PRKCZ: variants seen among roughly 807,000 people sequenced by gnomAD.
The protein encoded by PRKCZ is protein kinase C zeta type.
A neutral mutation model predicts 79.5 loss-of-function variants in PRKCZ; 33 were observed. The observed-to-expected ratio is 0.41, with a 90% CI of 0.31 to 0.55. The LOEUF is 0.55. Among genes scored for constraint, PRKCZ ranks in the 20% least tolerant of loss-of-function variants. The pLI is 0.19. For missense variants in PRKCZ, 578 were observed against 813.5 expected (o/e 0.71, Z 3.52); for synonymous variants, 342 against 320.9 (o/e 1.07, Z -0.70).
At chr1:2,073,987 T>C in intron 4 of PRKCZ, 3 of 1,405,720 alleles carry the variant, frequency 2.1e-6, no homozygotes, top group Non-Finnish European at 2.8e-6. Flanking sequence ...GGGCCAGCCG[T>C]GCTGCAGGCC....
chr1:2,054,350 A>T (rs906762401), intron 1 of PRKCZ, among the ~76,000 whole-genome samples: 1 of 152,048 alleles, frequency 6.6e-6, no homozygotes, highest in Non-Finnish European at 1.5e-5. Flanking sequence ...GAGTTTCAGG[A>T]AACACCAGCT....
At chr1:2,074,653 G>C (rs1467981345) in intron 4 of PRKCZ, 6 of 373,050 alleles carry the variant, frequency 1.6e-5, no homozygotes, top group Non-Finnish European at 2.5e-5. Context: ...GTGTTGGGTT[G>C]GAGTCTGGGT....
chr1:2,135,122 TCATTCCAGCCCTG>T (rs1675911526), intron 4 of PRKCZ, 127 bp from the exon 5 acceptor site: 7 of 654,658 alleles, frequency 1.1e-5, no homozygotes, highest in Admixed American at 3.1e-5. Flanking sequence ...CGGGAGGCCG[TCATTCCAGCCCTG>T]CCTTCCCTGC....
At chr1:2,119,213 CTTTTTT>C (rs201938015) in intron 4 of PRKCZ, among the ~76,000 whole-genome samples, 2 of 126,434 alleles carry the variant, frequency 1.6e-5, no homozygotes, top group East Asian at 4.3e-4. Context: ...TTATTTTTTC[CTTTTTT>C]TTTTTTTTTT....
At chr1:2,104,896 G>A in intron 4 of PRKCZ, 6 of 985,500 alleles carry the variant, frequency 6.1e-6, no homozygotes, top group Non-Finnish European at 6.0e-6. Context: ...AGTTTTCAGG[G>A]TGAGTAGCCT....
intron 4 of PRKCZ, among the ~76,000 whole-genome samples, chr1:2,110,687 G>C (rs574684285): frequency 7.9e-4 from 119 of 151,570 alleles, no homozygotes; most frequent in Non-Finnish European, 1.5e-3. Flanking sequence ...ATCGGCCTTG[G>C]TGACTGTGGG....
intron 4 of PRKCZ, among the ~76,000 whole-genome samples, chr1:2,064,145 C>T (rs1470972501): frequency 6.6e-6 from 1 of 152,234 alleles, no homozygotes; most frequent in African/African-American, 2.4e-5. Context: ...CCGTGCCCGG[C>T]TTTGTTGGCC....
intron 10 of PRKCZ, chr1:2,156,333 G>A (rs970145486): frequency 9.7e-6 from 4 of 412,842 alleles, no homozygotes; most frequent in Non-Finnish European, 1.4e-5. Flanking sequence ...ATCCCACTGA[G>A]TGCAGGCATT....
chr1:2,150,386 T>G (rs1229482417), intron 8 of PRKCZ, among the ~76,000 whole-genome samples: 2 of 152,144 alleles, frequency 1.3e-5, no homozygotes, highest in African/African-American at 4.8e-5. Context: ...CTGCATTCGC[T>G]TTACCTTCCT....
chr1:2,180,393 C>A (rs1686342282), intron 16 of PRKCZ, among the ~76,000 whole-genome samples: 2 of 152,150 alleles, frequency 1.3e-5, no homozygotes, highest in African/African-American at 4.8e-5. Flanking sequence ...GACATGGACG[C>A]ACAGACGATG....
Position 2,134,495 on chromosome 1 carries a change from G to T in PRKCZ, c.335-767G>T, listed in dbSNP as rs559885807. Among the ~76,000 whole-genome samples, 15 of 152,316 alleles carry T rather than the reference G, an allele frequency of 9.8e-5. No individual in the cohort carries two copies. In the South Asian group the frequency reaches 1.0e-3, roughly 11 times the overall value. On this transcript the variant is annotated intron_variant, in intron 4 of 17. Transcript: ENST00000378567. ...GTTTTGGAGGAGCAAAGTGGGACAC[G>T]GTGTTGAGGAAGGACAAGACCAGCC...
chr1:2,102,501 T>C (rs1031854523), intron 4 of PRKCZ, among the ~76,000 whole-genome samples: 8 of 151,480 alleles, frequency 5.3e-5, no homozygotes, highest in African/African-American at 1.7e-4. Context: ...TCCCGCTAAT[T>C]TTTTGTATTT....
At chr1:2,058,461 G>A (rs1660387565) in intron 3 of PRKCZ, among the ~76,000 whole-genome samples, 1 of 152,064 alleles carries the variant, frequency 6.6e-6, no homozygotes, top group African/African-American at 2.4e-5. Context: ...CTGAGTGATG[G>A]GGCGAAACCC....
At position 2,185,309 on chromosome 1, in the gene PRKCZ, G is replaced by A. The variant is rs754595816; in HGVS notation, c.*300G>A. 2.8e-5 allele frequency: 20 copies of A among 718,500 alleles called. No individual in the cohort carries two copies. The highest frequency in any genetic ancestry group is 4.0e-5 in the Admixed American group (2 of 50,004). 44.5% of individuals were successfully genotyped at this position (718,500 alleles called of 1,614,324 possible). ...GGTTTCCAAGGTGCACATTTTCCAC[G>A]GAAACAGAACTCGATGCACTGACCT... On this transcript the variant is annotated 3_prime_UTR_variant, in exon 18 of 18. Coordinates refer to ENST00000378567, the MANE Select transcript of PRKCZ (RefSeq NM_002744.6).
intron 4 of PRKCZ, among the ~76,000 whole-genome samples, chr1:2,121,269 C>T (rs140538516): frequency 6.6e-6 from 1 of 152,340 alleles, no homozygotes; most frequent in East Asian, 1.9e-4. Flanking sequence ...CCTGGAGGCC[C>T]ATTCCTCCTG....
rs1336898958 is a variant in PRKCZ, at chr1:2,075,545, G to A, written c.334+15954G>A. Among the ~76,000 whole-genome samples the A allele has an allele frequency of 6.6e-6, 1 of 152,176 alleles. No homozygotes were observed. The highest frequency in any genetic ancestry group is 1.5e-5 in the Non-Finnish European group (1 of 68,032). On this transcript the variant is annotated intron_variant, in intron 4 of 17. Transcript: ENST00000378567. The surrounding 1 kb of genome is among the most constrained non-coding windows in gnomAD (Gnocchi z 4.8). The stretch of plus-strand genomic sequence containing the variant: ...TGTCCCAGCTGCATCAGCCATCAGT[G>A]GGGGCCCTTCTCCGACCGTCTTCCT...
chr1:2,155,869 C>A lies in PRKCZ; in HGVS notation c.877-126C>A, dbSNP rs961160262. The stretch of plus-strand genomic sequence containing the variant: ...TAATGCAGTTCCTAATGGGTGTTTT[C>A]TTTTCCTGTCTGCATTGTCTTCCTG... On this transcript the variant is annotated intron_variant, in intron 9 of 17. Coordinates refer to ENST00000378567, the MANE Select transcript of PRKCZ (RefSeq NM_002744.6). The A allele has an allele frequency of 9.4e-5, 76 of 810,260 alleles. No individual in the cohort carries two copies. The African/African-American group carries it at 1.1e-3, about 12-fold the overall frequency. The allele number at this position is 810,260 out of a possible 1,614,324, so 50.2% of individuals were successfully genotyped here. A position where few individuals can be genotyped will look rare whatever the true frequency, so the allele number is the denominator to read the frequency against.
chr1:2,065,678 C>CAAAAAAAAAAAA lies in PRKCZ; in HGVS notation c.334+6100_334+6111dup, dbSNP rs61017134. On this transcript the variant is annotated intron_variant, in intron 4 of 17. Coordinates refer to ENST00000378567, the MANE Select transcript of PRKCZ (RefSeq NM_002744.6). ...TGGGCAACAGAGCCAGACTCTGTCT[C>CAAAAAAAAAAAA]AAAAAAAAAAAAAAAAAAAAAAAAG... 1.4e-4 allele frequency among the ~76,000 whole-genome samples: 8 copies of CAAAAAAAAAAAA among 56,110 alleles called. 1 individual carries two copies. In the East Asian group the frequency reaches 2.7e-3, roughly 19 times the overall value. The allele number at this position is 56,110 out of a possible 152,430, so 36.8% of individuals were successfully genotyped here.
intron 10 of PRKCZ, among the ~76,000 whole-genome samples, chr1:2,161,479 G>C (rs2103362874): frequency 6.6e-6 from 1 of 152,376 alleles, no homozygotes; most frequent in East Asian, 1.9e-4. Context: ...GGCCCTCGGG[G>C]ACCCCCAGGA....
Sources: allele counts gnomAD v4.1 joint callset (sites outside exome capture counted in the v4.1 genomes callset), GRCh38; gene constraint gnomAD v4.1.1; non-coding constraint Gnocchi (gnomAD v3.1); transcripts MANE v1.5; gene names NCBI Gene and HGNC (gene_info 2026-07-23, HGNC 2026-07-21).